Variants in CADM2 observed in about 807,000 individuals in gnomAD.
CADM2 encodes immunoglobulin superfamily member 4D.
Under a neutral mutation model 49.8 loss-of-function variants are expected in CADM2, and 12 were observed. That is an observed-to-expected ratio of 0.24 (90% CI 0.15 to 0.39). The LOEUF (loss-of-function observed/expected upper bound fraction) is 0.39, where lower values mean the gene tolerates loss of function less well. CADM2 is among the 10% of genes least tolerant of loss of function. The pLI is 1.00. For missense variants in CADM2, 378 were observed against 492.3 expected, an observed-to-expected ratio of 0.77 and a Z score of 2.20; for synonymous variants, 214 against 175.4, an observed-to-expected ratio of 1.22 and a Z score of -1.74.
chr3:85,365,176 G>C (rs960847136), intron 1 of CADM2, among the ~76,000 whole-genome samples: 14 of 134,696 alleles, frequency 1.0e-4, no homozygotes, highest in Non-Finnish European at 1.6e-4. Flanking sequence ...GTCAAGAATT[G>C]GGAGGGTTTT....
intron 1 of CADM2, among the ~76,000 whole-genome samples, chr3:84,985,485 A>C (rs919969284): frequency 6.6e-6 from 1 of 152,098 alleles, no homozygotes; most frequent in Non-Finnish European, 1.5e-5. Flanking sequence ...TAATATACAA[A>C]ATTTTGGTTT....
intron 1 of CADM2, among the ~76,000 whole-genome samples, chr3:85,127,153 AT>A (rs1225867051): frequency 3.3e-5 from 5 of 152,108 alleles, no homozygotes; most frequent in Non-Finnish European, 7.4e-5. Context: ...AATAAAATCA[AT>A]TTTTTAAAGG....
chr3:85,234,495 G>A (rs564419049), intron 1 of CADM2, among the ~76,000 whole-genome samples: 2 of 152,046 alleles, frequency 1.3e-5, no homozygotes, highest in East Asian at 1.9e-4. Flanking sequence ...GTAACATATA[G>A]GTTAAACATC....
chr3:85,444,913 A>G (rs972029055), intron 1 of CADM2, among the ~76,000 whole-genome samples: 2 of 152,124 alleles, frequency 1.3e-5, no homozygotes, highest in African/African-American at 4.8e-5. Flanking sequence ...TATTCTCATC[A>G]TATTCTTCTT....
chr3:85,133,303 C>T (rs868742682), intron 1 of CADM2, among the ~76,000 whole-genome samples: 2 of 152,204 alleles, frequency 1.3e-5, no homozygotes, highest in African/African-American at 2.4e-5. Context: ...GCCCCACTCA[C>T]ATCCTGCTGA....
chr3:85,341,228 A>T (rs2045231598), intron 1 of CADM2, among the ~76,000 whole-genome samples: 1 of 151,884 alleles, frequency 6.6e-6, no homozygotes. Flanking sequence ...CTGGTTTATT[A>T]TAATCATTAG....
At chr3:85,674,718 G>T (rs777452428) in intron 1 of CADM2, among the ~76,000 whole-genome samples, 15 of 152,064 alleles carry the variant, frequency 9.9e-5, no homozygotes, top group Non-Finnish European at 1.9e-4. Flanking sequence ...ATTTTTAATA[G>T]TATTTTGTTG....
chr3:85,983,450 A>G (rs910149096), intron 8 of CADM2, among the ~76,000 whole-genome samples: 1 of 151,736 alleles, frequency 6.6e-6, no homozygotes, highest in African/African-American at 2.4e-5. Flanking sequence ...GGTGCACCAA[A>G]TTGAGCATCA....
intron 8 of CADM2, among the ~76,000 whole-genome samples, chr3:85,968,965 T>G (rs976543268): frequency 2.0e-5 from 3 of 151,638 alleles, no homozygotes; most frequent in Non-Finnish European, 4.4e-5. Flanking sequence ...TCTAAAATTT[T>G]TCCTTGATTC....
At chr3:85,287,559 T>C (rs1254671302) in intron 1 of CADM2, among the ~76,000 whole-genome samples, 1 of 152,112 alleles carries the variant, frequency 6.6e-6, no homozygotes, top group Non-Finnish European at 1.5e-5. Flanking sequence ...TTATTCTTTC[T>C]TGTTTATCAG....
chr3:85,442,632 A>ATATATATATG (rs2037256995), intron 1 of CADM2, among the ~76,000 whole-genome samples: 1 of 134,144 alleles, frequency 7.5e-6, no homozygotes, highest in African/African-American at 2.9e-5. Flanking sequence ...ATATATATAT[A>ATATATATATG]TGAATATTGC....
intron 1 of CADM2, among the ~76,000 whole-genome samples, chr3:85,308,074 C>A (rs1410621757): frequency 1.3e-5 from 2 of 151,622 alleles, no homozygotes; most frequent in African/African-American, 4.8e-5. Flanking sequence ...AGACAGTATT[C>A]AGCCACGATT....
intron 1 of CADM2, among the ~76,000 whole-genome samples, chr3:85,372,584 C>A (rs1205529654): frequency 6.6e-6 from 1 of 151,890 alleles, no homozygotes; most frequent in Non-Finnish European, 1.5e-5. Flanking sequence ...GTGTTATACC[C>A]CTCTGGCCCA....
chr3:85,177,765 C>T (rs1285033346), intron 1 of CADM2, among the ~76,000 whole-genome samples: 1 of 151,838 alleles, frequency 6.6e-6, no homozygotes, highest in Non-Finnish European at 1.5e-5. Context: ...TTCTTAAGCA[C>T]CATACAATAC....
chr3:85,706,367 T>C (rs79987421), intron 1 of CADM2, among the ~76,000 whole-genome samples: 3,952 of 152,302 alleles, frequency 0.026, 188 homozygotes, highest in East Asian at 0.19. Flanking sequence ...GCTCTAGGGG[T>C]CTAAAGTTGA....
chr3:86,020,382 A>T (rs1386586643), intron 8 of CADM2, among the ~76,000 whole-genome samples: 3 of 152,100 alleles, frequency 2.0e-5, no homozygotes, highest in African/African-American at 7.2e-5. Context: ...GACCAGAAGG[A>T]TTCACAGCCG....
At chr3:85,420,280 G>A (rs1347637631) in intron 1 of CADM2, among the ~76,000 whole-genome samples, 1 of 152,104 alleles carries the variant, frequency 6.6e-6, no homozygotes, top group Non-Finnish European at 1.5e-5. Flanking sequence ...CTTTATAGAT[G>A]CATCTACTTA....
At chr3:85,403,775 A>G (rs2035236892) in intron 1 of CADM2, among the ~76,000 whole-genome samples, 1 of 152,278 alleles carries the variant, frequency 6.6e-6, no homozygotes, top group East Asian at 1.9e-4. Flanking sequence ...TATTTCTCTC[A>G]TAAGTTCATC....
At chr3:85,696,234 T>C (rs762337985) in intron 1 of CADM2, among the ~76,000 whole-genome samples, 1 of 152,138 alleles carries the variant, frequency 6.6e-6, no homozygotes, top group Non-Finnish European at 1.5e-5. Flanking sequence ...ACTCTGTTGA[T>C]TATTTCTTTT....
Sources: gnomAD v4.1 joint callset for allele counts (sites outside exome capture counted in the v4.1 genomes callset) on GRCh38, gnomAD v4.1.1 for gene constraint, MANE v1.5 for transcripts, NCBI Gene and HGNC (gene_info 2026-07-23, HGNC 2026-07-21) for gene names.